Variants in TMEM132D observed in about 807,000 individuals in gnomAD.
TMEM132D encodes transmembrane protein 132D.
In TMEM132D, 21 loss-of-function variants were observed where a neutral mutation model predicts 62.3. The observed-to-expected ratio is 0.34, with a 90% CI of 0.24 to 0.49. The LOEUF is 0.49. Among genes scored for constraint, TMEM132D ranks in the 20% least tolerant of loss-of-function variants. TMEM132D has a pLI of 0.99. For synonymous variants in TMEM132D, 621 were observed against 575.6 expected (o/e 1.08, Z -1.13); for missense variants, 1,346 against 1,402.8 (o/e 0.96, Z 0.65).
chr12:129,309,737 C>G (rs1197934073), intron 4 of TMEM132D, among the ~76,000 whole-genome samples: 1 of 151,886 alleles, frequency 6.6e-6, no homozygotes, highest in African/African-American at 2.4e-5. Context: ...CAATAAAGCT[C>G]TCATTGGGAA....
intron 4 of TMEM132D, among the ~76,000 whole-genome samples, chr12:129,326,886 T>C (rs1868931230): frequency 6.6e-6 from 1 of 152,142 alleles, no homozygotes; most frequent in South Asian, 2.1e-4. Context: ...TATAATAAAA[T>C]AATAGGTACT....
At chr12:129,208,340 C>G (rs774834229) in intron 5 of TMEM132D, among the ~76,000 whole-genome samples, 24 of 152,098 alleles carry the variant, frequency 1.6e-4, no homozygotes, top group Non-Finnish European at 3.1e-4. Flanking sequence ...AGGAAGTTGT[C>G]CTGTGCTGAT....
chr12:129,687,198 G>A (rs1880949972), intron 2 of TMEM132D, among the ~76,000 whole-genome samples: 2 of 152,176 alleles, frequency 1.3e-5, no homozygotes, highest in African/African-American at 4.8e-5. Context: ...TGTAACATAA[G>A]AACAGTGGGG....
In TMEM132D at chr12:129,830,166, C is replaced by T. The variant is rs529119927; in HGVS notation, c.79+73095G>A. 1.1e-3 allele frequency among the ~76,000 whole-genome samples: 161 copies of T among 152,224 alleles called. 2 individuals are homozygous for T. The highest frequency in any genetic ancestry group is 3.4e-3 in the Middle Eastern group (1 of 294). ...TTCAGTCAATGGAAGGATTGAAGAA[C>T]CGTATACATACATACACACATACAC... On this transcript the variant is annotated intron_variant, in intron 1 of 8. Transcript: ENST00000422113.
intron 1 of TMEM132D, among the ~76,000 whole-genome samples, chr12:129,888,430 G>A: frequency 6.6e-6 from 1 of 152,156 alleles, no homozygotes; most frequent in East Asian, 1.9e-4. Flanking sequence ...GGGCGCGATG[G>A]CTCACACCTG....
intron 2 of TMEM132D, among the ~76,000 whole-genome samples, chr12:129,554,621 C>G (rs78313155): frequency 0.017 from 2,544 of 152,252 alleles, 68 homozygotes; most frequent in African/African-American, 0.059. Flanking sequence ...ACCACCTTCT[C>G]TCTACTGTCA....
At chr12:129,631,833 T>TC (rs1039896206) in intron 2 of TMEM132D, among the ~76,000 whole-genome samples, 1 of 151,894 alleles carries the variant, frequency 6.6e-6, no homozygotes, top group African/African-American at 2.4e-5. Context: ...AAGAAAAAGA[T>TC]CCCCCCACCA....
intron 3 of TMEM132D, among the ~76,000 whole-genome samples, chr12:129,419,711 A>G (rs947061460): frequency 6.6e-6 from 1 of 152,176 alleles, no homozygotes; most frequent in Non-Finnish European, 1.5e-5. Flanking sequence ...TCTTTTGAAT[A>G]AGTCTATATT....
intron 1 of TMEM132D, among the ~76,000 whole-genome samples, chr12:129,807,864 G>A (rs1215755210): frequency 6.6e-6 from 1 of 152,186 alleles, no homozygotes; most frequent in African/African-American, 2.4e-5. Flanking sequence ...TGCTATCTGA[G>A]ATGGCGCCCT....
At chr12:129,724,428 C>A (rs559761912) in intron 1 of TMEM132D, among the ~76,000 whole-genome samples, 1 of 152,334 alleles carries the variant, frequency 6.6e-6, no homozygotes, top group East Asian at 1.9e-4. Context: ...ATCCATTTGA[C>A]ACCTGTACTT....
intron 3 of TMEM132D, among the ~76,000 whole-genome samples, chr12:129,507,736 A>G (rs991727715): frequency 6.6e-6 from 1 of 152,144 alleles, no homozygotes; most frequent in Admixed American, 6.6e-5. Flanking sequence ...TGAAGGATAA[A>G]AGACTACAAA....
chr12:129,669,007 AGAG>A lies in TMEM132D; in HGVS notation c.968+30800_968+30802del, dbSNP rs1338045428. Among the ~76,000 whole-genome samples, 4 of 152,322 alleles carry A rather than the reference AGAG, an allele frequency of 2.6e-5. No individual in the cohort carries two copies. In the South Asian group the frequency reaches 8.3e-4, roughly 32 times the overall value. On this transcript the variant is annotated intron_variant, in intron 2 of 8. Transcript: ENST00000422113. ...AACCCCACATTATCTTACGTCCTCA[AGAG>A]GAGAAGAATTTGCCCAACTCATAGG... is the stretch of plus-strand genomic sequence containing the variant.
intron 3 of TMEM132D, among the ~76,000 whole-genome samples, chr12:129,433,801 C>T (rs1872722405): frequency 6.6e-6 from 1 of 152,244 alleles, no homozygotes; most frequent in East Asian, 1.9e-4. Flanking sequence ...AGGGGACACA[C>T]GGAGATGGAG....
chr12:129,429,838 T>C (rs1265947922), intron 3 of TMEM132D, among the ~76,000 whole-genome samples: 3 of 149,100 alleles, frequency 2.0e-5, no homozygotes, highest in Non-Finnish European at 3.0e-5. Flanking sequence ...CGGTGTTTGG[T>C]TTTTTGTCCT....
chr12:129,381,950 C>G (rs1870966401), intron 3 of TMEM132D, among the ~76,000 whole-genome samples: 1 of 152,186 alleles, frequency 6.6e-6, no homozygotes, highest in African/African-American at 2.4e-5. Context: ...AATGATTACA[C>G]AGACCGTATG....
In TMEM132D at chr12:129,151,880, CTT is replaced by C. The variant is rs11384544; in HGVS notation, c.1443+57638_1443+57639del. On this transcript the variant is annotated intron_variant, in intron 5 of 8. Transcript: ENST00000422113. ...GTTAATGTGGACCACGTGATTCAAC[CTT>C]TTTTTTTTTTTTTTTGAGACAGTCT... Among the ~76,000 whole-genome samples, 37 of 133,502 alleles carry C rather than the reference CTT, an allele frequency of 2.8e-4. 1 individual carries two copies. The highest frequency in any genetic ancestry group is 6.4e-4 in the African/African-American group (23 of 36,132). The allele number at this position is 133,502 out of a possible 152,430, so 87.6% of individuals were successfully genotyped here. A position where few individuals can be genotyped will look rare whatever the true frequency, so the allele number is the denominator to read the frequency against.
chr12:129,555,295 G>A (rs563806162), intron 2 of TMEM132D, among the ~76,000 whole-genome samples: 2 of 152,276 alleles, frequency 1.3e-5, no homozygotes, highest in South Asian at 2.1e-4. Flanking sequence ...ACTTGAATTC[G>A]AGAATACCCC....
At chr12:129,511,188 C>T (rs1288054584) in intron 3 of TMEM132D, among the ~76,000 whole-genome samples, 1 of 152,114 alleles carries the variant, frequency 6.6e-6, no homozygotes, top group Non-Finnish European at 1.5e-5. Flanking sequence ...AATTCAATTC[C>T]CTTCTCTTCT....
chr12:129,739,069 A>G (rs544584309), intron 1 of TMEM132D, among the ~76,000 whole-genome samples: 57 of 152,294 alleles, frequency 3.7e-4, no homozygotes, highest in African/African-American at 1.2e-3. Context: ...CATCTGCTCC[A>G]GCCCAAGGGC....
Sources: allele counts gnomAD v4.1 joint callset (sites outside exome capture counted in the v4.1 genomes callset), GRCh38; gene constraint gnomAD v4.1.1; transcripts MANE v1.5; gene names NCBI Gene and HGNC (gene_info 2026-07-23, HGNC 2026-07-21).